CALCRL: variants seen among roughly 807,000 people sequenced by gnomAD.
CALCRL encodes calcitonin gene-related peptide type 1 receptor.
Under a neutral mutation model 60.4 loss-of-function variants are expected in CALCRL, and 27 were observed. That is an observed-to-expected ratio of 0.45 (90% CI 0.33 to 0.62). CALCRL has a LOEUF of 0.62. Among genes scored for constraint, CALCRL ranks in the 20% least tolerant of loss-of-function variants. CALCRL has a pLI of 0.03. For missense variants in CALCRL, 424 were observed against 540.7 expected (o/e 0.78, Z 2.14); for synonymous variants, 190 against 182.6 (o/e 1.04, Z -0.33).
intron 1 of CALCRL, among the ~76,000 whole-genome samples, chr2:187,426,958 C>T (rs1179879551): frequency 3.3e-5 from 5 of 152,090 alleles, no homozygotes; most frequent in Admixed American, 6.6e-5. Flanking sequence ...AAAGGGGAAG[C>T]TCACATGTCC....
At chr2:187,381,070 T>C (rs933992531) in intron 5 of CALCRL, among the ~76,000 whole-genome samples, 1 of 152,134 alleles carries the variant, frequency 6.6e-6, no homozygotes, top group African/African-American at 2.4e-5. Flanking sequence ...AATCAAATGG[T>C]CTTTGCTAGT....
chr2:187,424,807 G>A (rs1690047129), intron 1 of CALCRL, among the ~76,000 whole-genome samples: 1 of 151,890 alleles, frequency 6.6e-6, no homozygotes, highest in Non-Finnish European at 1.5e-5. Context: ...AATTTGGGAA[G>A]AAGAAATATT....
Position 187,346,064 on chromosome 2 carries a change from G to A in CALCRL, c.*120C>T. ...AACACACTACTAATTTCATGTGAAG[G>A]CTCTTCTTTATGACATTCAAAAAGT... is the stretch of plus-strand genomic sequence containing the variant. On this transcript the variant is annotated 3_prime_UTR_variant, in exon 15 of 15. Coordinates refer to ENST00000392370, the MANE Select transcript of CALCRL (RefSeq NM_005795.6). 1 of 622,432 alleles carries A rather than the reference G, an allele frequency of 1.6e-6. No homozygotes were observed. The highest frequency in any genetic ancestry group is 2.8e-6 in the Non-Finnish European group (1 of 352,884). The allele number at this position is 622,432 out of a possible 1,614,324, so 38.6% of individuals were successfully genotyped here.
intron 1 of CALCRL, among the ~76,000 whole-genome samples, chr2:187,437,637 T>G (rs1291292494): frequency 6.6e-6 from 1 of 152,112 alleles, no homozygotes; most frequent in Non-Finnish European, 1.5e-5. Flanking sequence ...CAGAACAAAT[T>G]GACTAATTTT....
At chr2:187,384,480 A>G (rs1688127771) in intron 4 of CALCRL, among the ~76,000 whole-genome samples, 1 of 152,172 alleles carries the variant, frequency 6.6e-6, no homozygotes, top group South Asian at 2.1e-4. Context: ...TCAGTTGCTA[A>G]TCTGTTACAG....
intron 1 of CALCRL, among the ~76,000 whole-genome samples, chr2:187,398,144 T>C (rs773445230): frequency 5.3e-5 from 8 of 151,654 alleles, no homozygotes; most frequent in Non-Finnish European, 1.0e-4. Context: ...AAATGCTTTG[T>C]ACTTGATGGA....
chr2:187,346,300 A>G lies in CALCRL; in HGVS notation c.1270T>C (p.Ser424Pro). ...TAACCTGGACCATCACTGATTGTTG[A>G]CACTGTGTAAGACGCACTACGAAGA... is the stretch of plus-strand genomic sequence containing the variant. Reference protein sequence around the residue: ...EALRSASYTVSTISDGPGYSH... With the variant: ...EALRSASYTVPTISDGPGYSH... The change falls in exon 15 of 15, where the codon TCA (serine) becomes CCA (proline). Residue 424 changes from serine (S) to proline (P), a missense_variant. This residue lies in a region of CALCRL where 222 missense variants were observed against 265.6 expected (regional missense o/e 0.84). Coordinates refer to ENST00000392370, the MANE Select transcript of CALCRL (RefSeq NM_005795.6). 1.2e-6 allele frequency: 2 copies of G among 1,612,520 alleles called. No individual in the cohort carries two copies. The highest frequency in any genetic ancestry group is 1.7e-6 in the Non-Finnish European group (2 of 1,179,018).
At chr2:187,359,573 G>A (rs185952132) in intron 10 of CALCRL, among the ~76,000 whole-genome samples, 6 of 152,190 alleles carry the variant, frequency 3.9e-5, no homozygotes, top group Admixed American at 2.0e-4. Context: ...AAGCCACAAG[G>A]ATTAGAAGAA....
intron 7 of CALCRL, among the ~76,000 whole-genome samples, chr2:187,380,009 T>C (rs915819521): frequency 1.3e-5 from 2 of 152,196 alleles, no homozygotes; most frequent in African/African-American, 2.4e-5. Flanking sequence ...TGTGTAGTGT[T>C]TAAGGATGCG....
intron 1 of CALCRL, among the ~76,000 whole-genome samples, chr2:187,444,628 AC>A (rs1485410047): frequency 6.6e-6 from 1 of 151,546 alleles, no homozygotes; most frequent in Non-Finnish European, 1.5e-5. Flanking sequence ...AATATTTGCA[AC>A]TTATTACCTG....
chr2:187,378,341 A>G (rs535994251), intron 8 of CALCRL, among the ~76,000 whole-genome samples: 2 of 152,314 alleles, frequency 1.3e-5, no homozygotes, highest in African/African-American at 2.4e-5. Context: ...TGCATGACTT[A>G]GAATTTAACT....
At chr2:187,374,028 G>A (rs1419300661) in intron 8 of CALCRL, among the ~76,000 whole-genome samples, 1 of 152,040 alleles carries the variant, frequency 6.6e-6, no homozygotes, top group Non-Finnish European at 1.5e-5. Flanking sequence ...TTATCTGGGT[G>A]TGGTGGTGTG....
intron 8 of CALCRL, among the ~76,000 whole-genome samples, chr2:187,370,995 C>G (rs2105755444): frequency 6.6e-6 from 1 of 152,250 alleles, no homozygotes; most frequent in Admixed American, 6.5e-5. Context: ...GTAATCCCAG[C>G]ATTTTGGGAG....
rs572867817 is a variant in CALCRL at position 187,347,126 on chromosome 2, CA to C, written c.1171-728del. Among the ~76,000 whole-genome samples the C allele has an allele frequency of 1.9e-3, 287 of 151,810 alleles. 1 individual carries two copies. The highest frequency in any genetic ancestry group is 6.8e-3 in the African/African-American group (280 of 41,470). ...TTCCCCTCTGTTTGAAGCTAGAGAT[CA>C]GGGGTAGGTGGGTCCTATACAGTAA... On this transcript the variant is annotated intron_variant, in intron 14 of 14. Transcript: ENST00000392370.
intron 8 of CALCRL, among the ~76,000 whole-genome samples, chr2:187,378,245 C>T (rs1427324101): frequency 6.6e-6 from 1 of 152,088 alleles, no homozygotes; most frequent in Non-Finnish European, 1.5e-5. Context: ...AACATAGCTA[C>T]TTACTCTTGT....
At chr2:187,446,809 T>C (rs925223261) in intron 1 of CALCRL, among the ~76,000 whole-genome samples, 3 of 151,890 alleles carry the variant, frequency 2.0e-5, no homozygotes, top group African/African-American at 7.2e-5. Context: ...TTTCATTATA[T>C]TGAGGAATTT....
At chr2:187,411,978 C>CAAA (rs56075258) in intron 1 of CALCRL, among the ~76,000 whole-genome samples, 66 of 61,336 alleles carry the variant, frequency 1.1e-3, no homozygotes, top group Middle Eastern at 9.3e-3. Flanking sequence ...GACTCTGTCT[C>CAAA]AAAAAAAAAA....
chr2:187,394,570 C>A (rs568110460), intron 1 of CALCRL, among the ~76,000 whole-genome samples: 1 of 152,112 alleles, frequency 6.6e-6, no homozygotes, highest in Non-Finnish European at 1.5e-5. Flanking sequence ...TTCCTCTTAA[C>A]CTTAACAATA....
chr2:187,433,524 G>A (rs753101209), intron 1 of CALCRL, among the ~76,000 whole-genome samples: 5 of 151,820 alleles, frequency 3.3e-5, no homozygotes, highest in African/African-American at 4.8e-5. Context: ...CAAGAAGAAA[G>A]GACAAAAAGA....
Sources: gnomAD v4.1 joint callset for allele counts (sites outside exome capture counted in the v4.1 genomes callset) on GRCh38, gnomAD v4.1.1 for gene constraint, gnomAD v4.1.1 regional missense constraint, MANE v1.5 for transcripts, NCBI Gene and HGNC (gene_info 2026-07-23, HGNC 2026-07-21) for gene names.